Variants in MGAT5B observed in about 807,000 individuals in gnomAD.
MGAT5B encodes N-acetylglucosaminyl-transferase Vb.
Under a neutral mutation model 95.1 loss-of-function variants are expected in MGAT5B, and 54 were observed. The observed-to-expected ratio is 0.57, with a 90% confidence interval of 0.46 to 0.71. The LOEUF is 0.71. MGAT5B is among the 30% of genes least tolerant of loss of function. MGAT5B has a pLI of 0.00. For synonymous variants in MGAT5B, 464 were observed against 451.0 expected, an observed-to-expected ratio of 1.03 and a Z score of -0.36; for missense variants, 935 against 1,088.6, an observed-to-expected ratio of 0.86 and a Z score of 1.99.
chr17:76,902,735 G>A (rs979901063), intron 4 of MGAT5B, 65 bp downstream of exon 4: 1 of 821,400 alleles, frequency 1.2e-6, no homozygotes, highest in Non-Finnish European at 1.9e-6. Context: ...TGCTGGGTGG[G>A]CCCTGGGAGG....
At chr17:76,922,025 G>T (rs867875130) in intron 8 of MGAT5B, among the ~76,000 whole-genome samples, 6 of 152,156 alleles carry the variant, frequency 3.9e-5, no homozygotes, top group Non-Finnish European at 5.9e-5. Flanking sequence ...CCTTAGAACC[G>T]CAGCGTGGTG....
intron 8 of MGAT5B, among the ~76,000 whole-genome samples, chr17:76,907,055 CTT>C (rs111711663): frequency 2.3e-4 from 33 of 140,990 alleles, no homozygotes; most frequent in Non-Finnish European, 1.6e-4. Context: ...TATTCCTTTG[CTT>C]TTTTTTTTTT....
chr17:76,935,951 A>T (rs1969654607), intron 12 of MGAT5B, among the ~76,000 whole-genome samples: 1 of 141,378 alleles, frequency 7.1e-6, no homozygotes, highest in African/African-American at 2.6e-5. Context: ...TATATTATAT[A>T]CATTATATAT....
At chr17:76,903,238 G>C (rs567361) in intron 4 of MGAT5B, 65 bp from the exon 5 acceptor site, 666,622 of 1,320,664 alleles carry the variant, frequency 0.5, 183,914 homozygotes, top group East Asian at 0.95. Flanking sequence ...CCTCCCGCAC[G>C]CAGGCCTCCC....
chr17:76,927,412 A>G (rs1969346825), intron 10 of MGAT5B, among the ~76,000 whole-genome samples: 1 of 151,776 alleles, frequency 6.6e-6, no homozygotes, highest in Admixed American at 6.6e-5. Context: ...GCTAATTTTT[A>G]TATTTTTTGT....
At chr17:76,947,164 C>T (rs962333061) in intron 16 of MGAT5B, among the ~76,000 whole-genome samples, 1 of 152,220 alleles carries the variant, frequency 6.6e-6, no homozygotes, top group African/African-American at 2.4e-5. Flanking sequence ...GCTCAGGGCC[C>T]TGGGGCAGGT....
intron 3 of MGAT5B, among the ~76,000 whole-genome samples, chr17:76,891,004 A>T (rs1598911819): frequency 9.9e-6 from 1 of 101,094 alleles, no homozygotes; most frequent in South Asian, 3.3e-4. Flanking sequence ...TCCCACCGTC[A>T]CCCAGGCTGG....
chr17:76,900,474 TATAAAG>T (rs1450507061), intron 3 of MGAT5B, among the ~76,000 whole-genome samples: 11 of 152,186 alleles, frequency 7.2e-5, no homozygotes, highest in South Asian at 2.1e-4. Flanking sequence ...CTGGTGTTCT[TATAAAG>T]AGAGGAAAGT....
intron 8 of MGAT5B, among the ~76,000 whole-genome samples, chr17:76,920,646 C>T (rs1969096964): frequency 6.6e-6 from 1 of 152,096 alleles, no homozygotes; most frequent in African/African-American, 2.4e-5. Context: ...TTTTCCAGGG[C>T]TGGGGACATG....
intron 3 of MGAT5B, among the ~76,000 whole-genome samples, chr17:76,883,938 G>A (rs189215659): frequency 1.7e-3 from 252 of 152,328 alleles, no homozygotes; most frequent in African/African-American, 5.6e-3. Flanking sequence ...TGTGGGATCC[G>A]TTGCCATGTA....
rs546591299 is a variant in MGAT5B at position 76,943,626 on chromosome 17, G to C, written c.1849-2750G>C. On this transcript the variant is annotated intron_variant, in intron 15 of 17. Transcript: ENST00000569840. ...TTTGAATAGAGATGGGGTGGGGTGG[G>C]GGGGGGGTCTCATTTTGTTGCCCAG... 4.3e-3 allele frequency among the ~76,000 whole-genome samples: 555 copies of C among 129,250 alleles called. 2 individuals carry two copies. The highest frequency in any genetic ancestry group is 7.2e-3 in the South Asian group (26 of 3,590). 84.8% of individuals were successfully genotyped at this position (129,250 alleles called of 152,430 possible). A position where few individuals can be genotyped will look rare whatever the true frequency, so the allele number is the denominator to read the frequency against.
intron 9 of MGAT5B, 104 bp downstream of exon 9, chr17:76,925,201 GTGGGAGA>G: frequency 7.0e-7 from 1 of 1,428,514 alleles, no homozygotes; most frequent in South Asian, 1.2e-5. Flanking sequence ...CTGGGCCCAG[GTGGGAGA>G]ACATACTGTC....
chr17:76,875,647 C>T (rs1324700819), intron 2 of MGAT5B, among the ~76,000 whole-genome samples: 1 of 119,902 alleles, frequency 8.3e-6, no homozygotes, highest in Non-Finnish European at 1.7e-5. Context: ...GTTGTAGTCA[C>T]TTGCACTTTT....
intron 8 of MGAT5B, among the ~76,000 whole-genome samples, chr17:76,919,640 A>G (rs138916392): frequency 6.7e-4 from 102 of 152,316 alleles, no homozygotes; most frequent in African/African-American, 2.4e-3. Context: ...CATGTCATCC[A>G]GGCTGGTCTC....
intron 10 of MGAT5B, among the ~76,000 whole-genome samples, chr17:76,928,572 G>A (rs145335393): frequency 4.6e-5 from 7 of 152,166 alleles, no homozygotes; most frequent in Non-Finnish European, 8.8e-5. Flanking sequence ...GGGTGTGGTC[G>A]TGGGTGCCTG....
intron 3 of MGAT5B, among the ~76,000 whole-genome samples, chr17:76,902,011 T>C (rs1003041854): frequency 6.6e-6 from 1 of 152,260 alleles, no homozygotes; most frequent in East Asian, 1.9e-4. Flanking sequence ...CATGCAGATG[T>C]GGGCACATGT....
chr17:76,934,100 G>A (rs901011313), intron 12 of MGAT5B, among the ~76,000 whole-genome samples: 7 of 152,318 alleles, frequency 4.6e-5, no homozygotes, highest in African/African-American at 1.7e-4. Context: ...TGGGTTCTAT[G>A]ACTGAGGAAG....
At chr17:76,944,446 C>G (rs1210362601) in intron 15 of MGAT5B, among the ~76,000 whole-genome samples, 1 of 152,154 alleles carries the variant, frequency 6.6e-6, no homozygotes, top group Non-Finnish European at 1.5e-5. Flanking sequence ...CGCAAGACCC[C>G]CAGAAGTGTG....
In MGAT5B at chr17:76,938,647, C is replaced by A. The variant is rs1236481815; in HGVS notation, c.1584+504C>A. On this transcript the variant is annotated intron_variant, in intron 13 of 17. Transcript: ENST00000569840. The surrounding 1 kb of genome is among the most constrained non-coding windows in gnomAD (Gnocchi z 4.3). ...CTGGACCCTGGAGTATCAGCTGAGG[C>A]TGGAGAGTCTCCAGCCAGCTTCTAG... Among the ~76,000 whole-genome samples, 2 of 152,138 alleles carry A rather than the reference C, an allele frequency of 1.3e-5. No individual in the cohort carries two copies. The highest frequency in any genetic ancestry group is 4.8e-5 in the African/African-American group (2 of 41,428).
Sources: allele counts gnomAD v4.1 joint callset (sites outside exome capture counted in the v4.1 genomes callset), GRCh38; gene constraint gnomAD v4.1.1; non-coding constraint Gnocchi (gnomAD v3.1); transcripts MANE v1.5; gene names NCBI Gene and HGNC (gene_info 2026-07-23, HGNC 2026-07-21).